Variants in HEATR5B observed in about 807,000 individuals in gnomAD.
The protein encoded by HEATR5B is HEAT repeat-containing protein 5B.
HEATR5B carries 156 observed loss-of-function variants against 224.1 expected under a neutral mutation model. The ratio of observed to expected loss-of-function variants is 0.70; its 90% CI spans 0.61 to 0.80. HEATR5B has a LOEUF of 0.80. Ranked by LOEUF, HEATR5B falls within the 30% of genes least tolerant of loss-of-function variation. HEATR5B has a pLI of 0.00. For missense variants in HEATR5B, 2,323 were observed against 2,535.5 expected (o/e 0.92, Z 1.80); for synonymous variants, 1,027 against 893.0 (o/e 1.15, Z -2.68).
chr2:37,057,523 TG>T, intron 14 of HEATR5B, 43 bp from the exon 15 acceptor site: 1 of 1,419,098 alleles, frequency 7.0e-7, no homozygotes, highest in Non-Finnish European at 9.6e-7. Context: ...GAATAATTTT[TG>T]TGAAAATTAT....
chr2:37,057,537 T>A, intron 14 of HEATR5B, 57 bp from the exon 15 acceptor site: 2 of 1,222,760 alleles, frequency 1.6e-6, no homozygotes, highest in South Asian at 1.5e-5. Context: ...AAAATTATAA[T>A]CATTGCCCAC....
intron 21 of HEATR5B, among the ~76,000 whole-genome samples, chr2:37,037,145 G>GATATATATATATATATATATATATACAT (rs1553431138): frequency 2.2e-5 from 2 of 89,140 alleles, no homozygotes; most frequent in South Asian, 9.5e-4. Flanking sequence ...CTAAAAATGT[G>GATATATATATATATATATATATATACAT]ATATATATAT....
intron 12 of HEATR5B, among the ~76,000 whole-genome samples, chr2:37,059,406 A>ATGTGTGTGTGTGTGTG (rs529487124): frequency 1.0e-5 from 1 of 100,234 alleles, no homozygotes; most frequent in African/African-American, 4.0e-5. Context: ...ATATATGTAT[A>ATGTGTGTGTGTGTGTG]TGTGTGTGTG....
chr2:37,058,804 C>G lies in HEATR5B; in HGVS notation c.1949+84G>C, dbSNP rs960440679. The G allele has an allele frequency of 5.7e-6, 5 of 874,256 alleles. No homozygotes were observed. In the Admixed American group the frequency reaches 1.1e-4, roughly 18 times the overall value. The allele number at this position is 874,256 out of a possible 1,614,324, so 54.2% of individuals were successfully genotyped here. A position where few individuals can be genotyped will look rare whatever the true frequency, so the allele number is the denominator to read the frequency against. On this transcript the variant is annotated intron_variant, in intron 13 of 35. Coordinates refer to ENST00000233099, the MANE Select transcript of HEATR5B (RefSeq NM_019024.3). ...AAAGTTTTATGTTTCCTAGATGATT[C>G]TAGAAGAAAGCACAAAATATGGCTG...
At chr2:37,052,768 C>T (rs1253539719) in intron 17 of HEATR5B, among the ~76,000 whole-genome samples, 1 of 152,196 alleles carries the variant, frequency 6.6e-6, no homozygotes, top group East Asian at 1.9e-4. Context: ...AAGTGACTAA[C>T]AGACAGGTAG....
At chr2:37,013,719 G>T in intron 27 of HEATR5B, 122 bp downstream of exon 27, 2 of 665,292 alleles carry the variant, frequency 3.0e-6, no homozygotes, top group Non-Finnish European at 4.9e-6. Context: ...TTTTCAAAAA[G>T]TATTCCATAT....
Position 37,008,841 on chromosome 2 carries a change from A to G in HEATR5B, c.4292T>C (p.Val1431Ala), listed in dbSNP as rs759745295. The change falls in exon 28 of 36, where the codon GTG becomes GCG. Residue 1431 changes from valine to alanine, a missense_variant. Transcript: ENST00000233099. The part of the protein sequence containing the change: ...AVLKAWAEVY[V>A]VAMNIKKEAE... Reference sequence around the variant, plus strand: ...TTCCTTTTTAATATTCATAGCGACCACATATACCTAATATGATATTTATGA... The same window carrying G: ...TTCCTTTTTAATATTCATAGCGACCGCATATACCTAATATGATATTTATGA... The G allele has an allele frequency of 2.5e-6, 4 of 1,583,636 alleles. 1 individual carries two copies. The South Asian group carries it at 4.4e-5, about 18-fold the overall frequency.
Position 37,034,384 on chromosome 2 carries a change from C to T in HEATR5B, c.3217-1611G>A, listed in dbSNP as rs1426113902. On this transcript the variant is annotated intron_variant, in intron 21 of 35. Coordinates refer to ENST00000233099, the MANE Select transcript of HEATR5B (RefSeq NM_019024.3). ...ATCCCAGCACTTTGGGAGGCCGAGG[C>T]GGGCGGATCACGAGGTCAGGAGATC... 1.8e-4 allele frequency among the ~76,000 whole-genome samples: 25 copies of T among 138,608 alleles called. No individual in the cohort carries two copies. The South Asian group carries it at 3.0e-3, about 17-fold the overall frequency. 90.9% of individuals were successfully genotyped at this position (138,608 alleles called of 152,430 possible).
intron 5 of HEATR5B, among the ~76,000 whole-genome samples, chr2:37,073,513 G>C (rs1672034456): frequency 6.6e-6 from 1 of 152,046 alleles, no homozygotes; most frequent in African/African-American, 2.4e-5. Flanking sequence ...CAAAGTGCTG[G>C]GATTACAGGC....
Position 36,981,316 on chromosome 2 carries a change from C to A in HEATR5B, c.*174G>T. 4.4e-6 allele frequency: 2 copies of A among 450,152 alleles called. No individual in the cohort carries two copies. Among genetic ancestry groups the A allele is most frequent in the East Asian group, 3.4e-5 (1 of 29,170 alleles). The allele number at this position is 450,152 out of a possible 1,614,324, so 27.9% of individuals were successfully genotyped here. On this transcript the variant is annotated 3_prime_UTR_variant, in exon 36 of 36. Transcript: ENST00000233099. ...ATATTCACCACATGATAAAAAAAATCACTCCTTAAAAATCAATAAGTGGTG... is the reference window on the plus strand; with the variant it reads ...ATATTCACCACATGATAAAAAAAATAACTCCTTAAAAATCAATAAGTGGTG...
intron 27 of HEATR5B, among the ~76,000 whole-genome samples, chr2:37,012,766 A>G (rs541454975): frequency 3.6e-4 from 55 of 152,306 alleles, no homozygotes; most frequent in Middle Eastern, 6.8e-3. Flanking sequence ...ACTGAGCTTC[A>G]CACAGTCTCC....
At position 37,000,625 on chromosome 2, in the gene HEATR5B, G is replaced by A. The variant is rs1293082295; in HGVS notation, c.5506C>T (p.Arg1836Cys). The change falls in exon 33 of 36, where the codon CGT (arginine) becomes TGT (cysteine). Residue 1836 changes from arginine to cysteine, a missense_variant. Coordinates refer to ENST00000233099, the MANE Select transcript of HEATR5B (RefSeq NM_019024.3). ...GVQKQWTALI[R>C]STLACILEYS... Reference sequence around the variant, plus strand: ...TCCAGGATGCAAGCAAGCGTGCTACGAATCAGAGCTGTCCACTGTTTTTGA... The same window carrying A: ...TCCAGGATGCAAGCAAGCGTGCTACAAATCAGAGCTGTCCACTGTTTTTGA... The A allele has an allele frequency of 6.2e-6, 10 of 1,614,054 alleles. No homozygotes were observed. Among genetic ancestry groups the A allele is most frequent in the Non-Finnish European group, 7.6e-6 (9 of 1,180,024 alleles).
chr2:37,040,640 A>C (rs925105726), intron 19 of HEATR5B, 122 bp from the exon 20 acceptor site: 3 of 639,062 alleles, frequency 4.7e-6, no homozygotes, highest in Admixed American at 3.6e-5. Context: ...GTGAAGTAGC[A>C]AATCCAGATT....
rs529487124 is a variant in HEATR5B at position 37,059,406 on chromosome 2, ATGTGTGTGTGTGTGTGTG to A, written c.1850-437_1850-420del. On this transcript the variant is annotated intron_variant, in intron 12 of 35. Transcript: ENST00000233099. ...GCAACTTTTACAGATATATATGTAT[ATGTGTGTGTGTGTGTGTG>A]TGTGTGTGTGTGTGTGTGTGTGTAT... Among the ~76,000 whole-genome samples the A allele has an allele frequency of 3.3e-3, 328 of 100,236 alleles. 4 individuals carry two copies. The highest frequency in any genetic ancestry group is 4.0e-3 in the Admixed American group (31 of 7,840). The allele number at this position is 100,236 out of a possible 152,430, so 65.8% of individuals were successfully genotyped here. A position where few individuals can be genotyped will look rare whatever the true frequency, so the allele number is the denominator to read the frequency against.
intron 7 of HEATR5B, among the ~76,000 whole-genome samples, chr2:37,069,396 C>A (rs1393998147): frequency 6.6e-6 from 1 of 152,160 alleles, no homozygotes; most frequent in East Asian, 1.9e-4. Flanking sequence ...TGACTATGAT[C>A]ACCATTTCAT....
intron 9 of HEATR5B, 110 bp downstream of exon 9, chr2:37,065,645 A>G (rs1671544004): frequency 2.2e-6 from 2 of 925,214 alleles, no homozygotes; most frequent in African/African-American, 1.6e-5. Context: ...AAACCTGATG[A>G]TCTGAAGTGC....
At chr2:37,014,251 T>C (rs764708469) in intron 26 of HEATR5B, among the ~76,000 whole-genome samples, 1 of 152,028 alleles carries the variant, frequency 6.6e-6, no homozygotes, top group African/African-American at 2.4e-5. Flanking sequence ...AAGCTCCACC[T>C]CCTGGGTTCA....
intron 7 of HEATR5B, among the ~76,000 whole-genome samples, chr2:37,069,737 C>T (rs1364576980): frequency 1.3e-5 from 2 of 152,044 alleles, no homozygotes; most frequent in African/African-American, 2.4e-5. Context: ...TATTAAATAT[C>T]TACCGAATTT....
At chr2:37,040,677 A>C (rs1669816915) in intron 19 of HEATR5B, among the ~76,000 whole-genome samples, 159 bp from the exon 20 acceptor site, 1 of 152,232 alleles carries the variant, frequency 6.6e-6, no homozygotes, top group Admixed American at 6.5e-5. Context: ...CACATTCTTC[A>C]TCTTCACTGT....
Sources: gnomAD v4.1 joint callset for allele counts (sites outside exome capture counted in the v4.1 genomes callset) on GRCh38, gnomAD v4.1.1 for gene constraint, MANE v1.5 for transcripts, NCBI Gene and HGNC (gene_info 2026-07-23, HGNC 2026-07-21) for gene names.